Variants in FNDC3A observed in about 807,000 individuals in gnomAD.
FNDC3A encodes fibronectin type-III domain-containing protein 3A.
In FNDC3A, 32 loss-of-function variants were observed where a neutral mutation model predicts 148.9. The ratio of observed to expected loss-of-function variants is 0.21; its 90% CI spans 0.16 to 0.29. The LOEUF (loss-of-function observed/expected upper bound fraction) is 0.29, where lower values mean the gene tolerates loss of function less well. Ranked by LOEUF, FNDC3A falls within the 10% of genes least tolerant of loss-of-function variation. The pLI, the probability that FNDC3A is intolerant of heterozygous loss-of-function variation, is 1.00. For synonymous variants in FNDC3A, 472 were observed against 473.6 expected (o/e 1.00, Z 0.04); for missense variants, 1,191 against 1,452.8 (o/e 0.82, Z 2.93).
intron 8 of FNDC3A, among the ~76,000 whole-genome samples, chr13:49,157,288 T>TCGC (rs1234595553): frequency 7.1e-5 from 9 of 126,734 alleles, no homozygotes; most frequent in African/African-American, 2.8e-4. Flanking sequence ...CCATTGCTGA[T>TCGC]ACCCTTTCTT....
chr13:48,977,634 A>C (rs1403106720), intron 1 of FNDC3A, among the ~76,000 whole-genome samples: 2 of 152,248 alleles, frequency 1.3e-5, no homozygotes, highest in African/African-American at 4.8e-5. Context: ...AACAGAAAAC[A>C]GTGATGAAGG....
chr13:49,188,274 G>A (rs781108080), intron 16 of FNDC3A, among the ~76,000 whole-genome samples: 1 of 152,056 alleles, frequency 6.6e-6, no homozygotes, highest in Non-Finnish European at 1.5e-5. Flanking sequence ...TATCAATCTA[G>A]GCCAAAGTCT....
At chr13:49,127,532 A>G (rs998515701) in intron 4 of FNDC3A, among the ~76,000 whole-genome samples, 4 of 152,304 alleles carry the variant, frequency 2.6e-5, no homozygotes, top group Non-Finnish European at 5.9e-5. Context: ...TGTTTGACCT[A>G]TCAGCAGCAT....
intron 9 of FNDC3A, among the ~76,000 whole-genome samples, chr13:49,167,592 G>C (rs576559824): frequency 6.0e-4 from 91 of 152,124 alleles, no homozygotes; most frequent in African/African-American, 1.6e-3. Flanking sequence ...TGTGGTATCA[G>C]CTACTCGGAA....
At chr13:49,160,740 T>C (rs1374268564) in intron 8 of FNDC3A, among the ~76,000 whole-genome samples, 2 of 151,930 alleles carry the variant, frequency 1.3e-5, no homozygotes, top group African/African-American at 4.8e-5. Context: ...CTTTCCTGCT[T>C]TCTCTTGTGG....
chr13:49,022,593 A>T (rs1040515697), intron 2 of FNDC3A, among the ~76,000 whole-genome samples: 4 of 152,134 alleles, frequency 2.6e-5, no homozygotes, highest in African/African-American at 9.7e-5. Context: ...GACTGAAATA[A>T]AGCTTATACT....
Position 49,207,458 on chromosome 13 carries a change from G to A in FNDC3A, c.*63G>A. ...TTTGTCATGTACTAAAATTATTTCT[G>A]TATTGCTTTTATAAAAAACAGTGGC... is the stretch of plus-strand genomic sequence containing the variant. On this transcript the variant is annotated 3_prime_UTR_variant, in exon 26 of 26. Transcript: ENST00000492622. 1 of 1,080,438 alleles carries A rather than the reference G, an allele frequency of 9.3e-7. No homozygotes were observed. The allele number at this position is 1,080,438 out of a possible 1,614,324, so 66.9% of individuals were successfully genotyped here.
At chr13:49,187,667 A>G (rs983641065) in intron 16 of FNDC3A, 22 of 1,587,468 alleles carry the variant, frequency 1.4e-5, no homozygotes, top group South Asian at 8.9e-5. Context: ...CTCTGGCCCA[A>G]CGTAGCGCTG....
chr13:49,065,006 T>G (rs1877167714), intron 2 of FNDC3A, among the ~76,000 whole-genome samples: 1 of 152,226 alleles, frequency 6.6e-6, no homozygotes, highest in South Asian at 2.1e-4. Flanking sequence ...ACTTTTCAAT[T>G]CCTGATTCAG....
intron 14 of FNDC3A, among the ~76,000 whole-genome samples, chr13:49,181,084 A>G (rs899237293): frequency 6.6e-6 from 1 of 152,146 alleles, no homozygotes; most frequent in Non-Finnish European, 1.5e-5. Flanking sequence ...CCATCTCTTA[A>G]TAATATTAAC....
chr13:48,987,063 C>G (rs2137557473), intron 1 of FNDC3A, among the ~76,000 whole-genome samples: 1 of 152,234 alleles, frequency 6.6e-6, no homozygotes, highest in Non-Finnish European at 1.5e-5. Context: ...AAAATCACAC[C>G]AATGGATTTG....
At chr13:49,132,042 G>T (rs530938515) in intron 5 of FNDC3A, among the ~76,000 whole-genome samples, 1 of 152,252 alleles carries the variant, frequency 6.6e-6, no homozygotes, top group African/African-American at 2.4e-5. Flanking sequence ...ATCTCAGTAG[G>T]TGGTCCACTA....
intron 8 of FNDC3A, among the ~76,000 whole-genome samples, chr13:49,165,821 G>T (rs1260961342): frequency 6.6e-6 from 1 of 152,170 alleles, no homozygotes; most frequent in Non-Finnish European, 1.5e-5. Context: ...ACTGTGACAG[G>T]CTGGGCAAGC....
chr13:49,087,781 TGTAA>T (rs1290585608), intron 3 of FNDC3A, among the ~76,000 whole-genome samples: 2 of 152,152 alleles, frequency 1.3e-5, no homozygotes, highest in African/African-American at 4.8e-5. Context: ...AATAAATATG[TGTAA>T]GTAAAATAAA....
At chr13:48,998,494 G>T (rs948068710) in intron 1 of FNDC3A, among the ~76,000 whole-genome samples, 3 of 152,088 alleles carry the variant, frequency 2.0e-5, no homozygotes, top group African/African-American at 7.2e-5. Context: ...AAACATAAAT[G>T]AATTTCGTGT....
At chr13:49,143,069 T>C (rs1198128172) in intron 7 of FNDC3A, among the ~76,000 whole-genome samples, 1 of 152,174 alleles carries the variant, frequency 6.6e-6, no homozygotes, top group East Asian at 1.9e-4. Context: ...GGTTCCACCA[T>C]GTTGGCCAGG....
Position 49,052,685 on chromosome 13 carries a change from A to G in FNDC3A, c.100-22604A>G, listed in dbSNP as rs140480864. 9.5e-3 allele frequency among the ~76,000 whole-genome samples: 1,452 copies of G among 152,298 alleles called. 14 individuals carry two copies. Among genetic ancestry groups the G allele is most frequent in the African/African-American group, 0.023 (944 of 41,548 alleles). Reference sequence around the variant, plus strand: ...CAGGAGGTGGCACTTTCAAGAGTGCATCAGCTGTGGTCCTATAGGGAGGAT... The same window carrying G: ...CAGGAGGTGGCACTTTCAAGAGTGCGTCAGCTGTGGTCCTATAGGGAGGAT... On this transcript the variant is annotated intron_variant, in intron 2 of 25. Coordinates refer to ENST00000492622, the MANE Select transcript of FNDC3A (RefSeq NM_001079673.2).
At chr13:49,073,694 A>ATGTATATATAATATATATG (rs1335667825) in intron 2 of FNDC3A, among the ~76,000 whole-genome samples, 2 of 146,804 alleles carry the variant, frequency 1.4e-5, no homozygotes, top group Admixed American at 6.9e-5. Context: ...TAAAATATAT[A>ATGTATATATAATATATATG]TGTATATATA....
intron 5 of FNDC3A, among the ~76,000 whole-genome samples, chr13:49,134,111 A>G (rs1168158039): frequency 6.6e-6 from 1 of 152,208 alleles, no homozygotes; most frequent in Non-Finnish European, 1.5e-5. Flanking sequence ...ATTAAGTACC[A>G]CTGTCTAATT....
Sources: allele counts gnomAD v4.1 joint callset (sites outside exome capture counted in the v4.1 genomes callset), GRCh38; gene constraint gnomAD v4.1.1; transcripts MANE v1.5; gene names NCBI Gene and HGNC (gene_info 2026-07-23, HGNC 2026-07-21).